The following FAM227B variants were observed in gnomAD, a reference collection of about 807,000 sequenced individuals.
FAM227B encodes protein FAM227B.
A neutral mutation model predicts 73.8 loss-of-function variants in FAM227B; 88 were observed. The observed-to-expected ratio is 1.19, with a 90% confidence interval of 1.00 to 1.42. The LOEUF (loss-of-function observed/expected upper bound fraction) is 1.42. Ranked by LOEUF, FAM227B falls within the 40% of genes most tolerant of loss-of-function variation. FAM227B has a pLI of 0.00. For synonymous variants in FAM227B, 210 were observed against 190.5 expected (o/e 1.10, Z -0.84); for missense variants, 632 against 590.9 (o/e 1.07, Z -0.72).
At chr15:49,366,816 C>T in intron 13 of FAM227B, 1 of 549,928 alleles carries the variant, frequency 1.8e-6, no homozygotes, top group Non-Finnish European at 3.2e-6. Context: ...CTGCAGGGGC[C>T]GCCACTGCAG....
chr15:49,372,848 G>A (rs1279079537), intron 11 of FAM227B, among the ~76,000 whole-genome samples: 28 of 152,052 alleles, frequency 1.8e-4, no homozygotes, highest in Admixed American at 1.8e-3. Flanking sequence ...TACTTGGGTT[G>A]ATTTTTGACA....
In FAM227B at chr15:49,549,646, G is replaced by T. The variant is rs1054025109; in HGVS notation, c.748-7840C>A. On this transcript the variant is annotated intron_variant, in intron 9 of 15. Transcript: ENST00000299338. ...TGATTCCGAGAGCACAGGGTTGGGG[G>T]TAAGGTCACAGATCAACAGGATAAG... Among the ~76,000 whole-genome samples, 10 of 151,742 alleles carry T rather than the reference G, an allele frequency of 6.6e-5. 1 individual carries two copies. The highest frequency in any genetic ancestry group is 1.3e-4 in the Non-Finnish European group (9 of 67,862).
Position 49,346,042 on chromosome 15 carries a change from G to A in FAM227B, c.1272-10546C>T, listed in dbSNP as rs1308869634. ...CTGCCCTGCTTGCTTTTGGTCACTT[G>A]CTTTTGTTATTTTTTTTTTTTTTCC... On this transcript the variant is annotated intron_variant, in intron 13 of 15. Coordinates refer to ENST00000299338, the MANE Select transcript of FAM227B (RefSeq NM_152647.3). Among the ~76,000 whole-genome samples the A allele has an allele frequency of 2.2e-5, 3 of 136,748 alleles. No individual in the cohort carries two copies. The East Asian group carries it at 6.1e-4, about 28-fold the overall frequency. 89.7% of individuals were successfully genotyped at this position (136,748 alleles called of 152,430 possible). A position where few individuals can be genotyped will look rare whatever the true frequency, so the allele number is the denominator to read the frequency against.
chr15:49,389,037 T>C (rs960325418), intron 11 of FAM227B, among the ~76,000 whole-genome samples: 5 of 151,964 alleles, frequency 3.3e-5, no homozygotes, highest in African/African-American at 1.2e-4. Context: ...TTATTCACTA[T>C]TGGTGGGAAT....
chr15:49,403,580 T>G (rs1943857320), intron 11 of FAM227B, among the ~76,000 whole-genome samples: 1 of 152,202 alleles, frequency 6.6e-6, no homozygotes, highest in African/African-American at 2.4e-5. Flanking sequence ...CTGATGGTTG[T>G]TTGTATTTCT....
At chr15:49,559,620 C>G (rs1221732115) in intron 9 of FAM227B, among the ~76,000 whole-genome samples, 1 of 152,052 alleles carries the variant, frequency 6.6e-6, no homozygotes, top group Non-Finnish European at 1.5e-5. Flanking sequence ...CCTCTCCAGA[C>G]AAGCAGGAAC....
chr15:49,329,470 T>C, intron 15 of FAM227B: 1 of 985,232 alleles, frequency 1.0e-6, no homozygotes, highest in Non-Finnish European at 1.2e-6. Context: ...AATGTTTAAC[T>C]CACAGATTGG....
intron 2 of FAM227B, among the ~76,000 whole-genome samples, chr15:49,612,408 A>T (rs919955763): frequency 1.3e-5 from 2 of 152,170 alleles, no homozygotes; most frequent in African/African-American, 2.4e-5. Flanking sequence ...ATGTCCCTAC[A>T]AAGGACATGA....
intron 11 of FAM227B, among the ~76,000 whole-genome samples, chr15:49,404,345 A>G (rs771337812): frequency 3.3e-5 from 5 of 152,148 alleles, no homozygotes; most frequent in Non-Finnish European, 7.3e-5. Context: ...ATCTGTATTA[A>G]TACTGTCAGT....
intron 11 of FAM227B, chr15:49,485,195 T>C (rs2056304392): frequency 6.6e-6 from 1 of 152,392 alleles, no homozygotes; most frequent in South Asian, 2.1e-4. Flanking sequence ...TCCAAAAATC[T>C]TGTATATAAG....
In FAM227B at chr15:49,368,239, T is replaced by C. The variant is rs180968989; in HGVS notation, c.1111-631A>G. Among the ~76,000 whole-genome samples the C allele has an allele frequency of 6.8e-3, 1,032 of 152,170 alleles. 7 individuals are homozygous for C. Among genetic ancestry groups the C allele is most frequent in the Non-Finnish European group, 8.5e-3 (577 of 67,968 alleles). ...AAGAATACAATAACCATAAATATAA[T>C]TACTCCAAGATTCTATTATTCCCTT... is the stretch of plus-strand genomic sequence containing the variant. On this transcript the variant is annotated intron_variant, in intron 12 of 15. Transcript: ENST00000299338.
chr15:49,588,992 A>C (rs2076362545), intron 4 of FAM227B, among the ~76,000 whole-genome samples: 1 of 152,094 alleles, frequency 6.6e-6, no homozygotes, highest in Admixed American at 6.6e-5. Context: ...ATCATTTCCA[A>C]GACTTATATA....
intron 9 of FAM227B, among the ~76,000 whole-genome samples, chr15:49,550,100 G>A (rs565519475): frequency 2.8e-5 from 4 of 144,216 alleles, no homozygotes; most frequent in Admixed American, 6.7e-5. Flanking sequence ...GCGGCTGGCC[G>A]GGCAGGGGGC....
intron 14 of FAM227B, among the ~76,000 whole-genome samples, chr15:49,332,268 T>G (rs1029424089): frequency 3.9e-5 from 6 of 152,194 alleles, no homozygotes; most frequent in African/African-American, 1.4e-4. Context: ...TTTAACTGAT[T>G]CCACTCATAA....
At position 49,345,580 on chromosome 15, in the gene FAM227B, G is replaced by A. The variant is rs181297454; in HGVS notation, c.1272-10084C>T. Among the ~76,000 whole-genome samples the A allele has an allele frequency of 4.5e-3, 681 of 152,340 alleles. 10 individuals are homozygous for A. Among genetic ancestry groups the A allele is most frequent in the Admixed American group, 6.7e-3 (102 of 15,304 alleles). On this transcript the variant is annotated intron_variant, in intron 13 of 15. Transcript: ENST00000299338. ...TGGTTATATTCTACTCCTTGGGGAT[G>A]AATGTGGCAACATGTTTTTCAATTC... is the stretch of plus-strand genomic sequence containing the variant.
At position 49,561,357 on chromosome 15, in the gene FAM227B, C is replaced by T. The variant is rs550485024; in HGVS notation, c.747+6888G>A. ...ATATACACATCCAATATTGAAGCAC[C>T]CAGATTAATAAAACAAGTACTTATG... On this transcript the variant is annotated intron_variant, in intron 9 of 15. Transcript: ENST00000299338. 3.3e-5 allele frequency among the ~76,000 whole-genome samples: 5 copies of T among 152,148 alleles called. 1 individual carries two copies. The South Asian group carries it at 8.3e-4, about 25-fold the overall frequency.
At chr15:49,617,805 T>TGTGA (rs1365253148) in intron 1 of FAM227B, among the ~76,000 whole-genome samples, 4 of 151,204 alleles carry the variant, frequency 2.6e-5, no homozygotes, top group African/African-American at 4.9e-5. Context: ...TGTGTGTGTG[T>TGTGA]GACAGAGTTT....
At chr15:49,467,792 A>T (rs1020997712) in intron 11 of FAM227B, among the ~76,000 whole-genome samples, 2 of 152,128 alleles carry the variant, frequency 1.3e-5, no homozygotes, top group African/African-American at 2.4e-5. Context: ...TTCAGGGAAT[A>T]TATCTTCTCT....
chr15:49,514,113 G>C (rs1447501888), intron 10 of FAM227B, among the ~76,000 whole-genome samples: 2 of 152,036 alleles, frequency 1.3e-5, no homozygotes, highest in African/African-American at 4.8e-5. Context: ...TTTTAAAGTA[G>C]TTTTTGCTAA....
Sources: gnomAD v4.1 joint callset for allele counts (sites outside exome capture counted in the v4.1 genomes callset) on GRCh38, gnomAD v4.1.1 for gene constraint, MANE v1.5 for transcripts, NCBI Gene and HGNC (gene_info 2026-07-23, HGNC 2026-07-21) for gene names.